The following ADAM10 variants were observed in gnomAD, a reference collection of about 807,000 sequenced individuals.
ADAM10 encodes the protein disintegrin and metalloproteinase domain-containing protein 10.
ADAM10 carries 17 observed loss-of-function variants against 90.1 expected under a neutral mutation model. That is an observed-to-expected ratio of 0.19 (90% confidence interval 0.13 to 0.28). ADAM10 has a LOEUF of 0.28. ADAM10 is among the 10% of genes least tolerant of loss of function. ADAM10 has a pLI of 1.00. For synonymous variants in ADAM10, 310 were observed against 298.6 expected, an observed-to-expected ratio of 1.04 and a Z score of -0.40; for missense variants, 610 against 914.3, an observed-to-expected ratio of 0.67 and a Z score of 4.29.
Position 58,610,383 on chromosome 15 carries a change from A to C in ADAM10, c.1939T>G (p.Leu647Val). ...GCTAGAGGACCATCAGCATCTACTAATCTGCACCGCATGAAAACATCACAG... is the reference window on the plus strand; with the variant it reads ...GCTAGAGGACCATCAGCATCTACTACTCTGCACCGCATGAAAACATCACAG... ...GYCDVFMRCR[L>V]VDADGPLARL... Residue 647 changes from leucine (L) to valine (V), a missense_variant, in exon 14 of 16, where the codon TTA (leucine) becomes GTA (valine). Physicochemically the swap from Leu to Val is conservative, Grantham distance 32. This residue lies in a region of ADAM10 where 150 missense variants were observed against 268.5 expected (regional missense o/e 0.56). Coordinates refer to ENST00000260408, the MANE Select transcript of ADAM10 (RefSeq NM_001110.4). 6.2e-7 allele frequency: 1 copy of C among 1,614,198 alleles called. No individual in the cohort carries two copies. The highest frequency in any genetic ancestry group is 8.5e-7 in the Non-Finnish European group (1 of 1,180,044).
intron 9 of ADAM10, among the ~76,000 whole-genome samples, chr15:58,630,709 A>G (rs767702399): frequency 2.1e-4 from 32 of 152,360 alleles, no homozygotes; most frequent in Non-Finnish European, 4.0e-4. Flanking sequence ...CCACTCAGAA[A>G]AAGTAACATT....
In ADAM10 at chr15:58,597,582, G is replaced by A. The variant is rs1894992971; in HGVS notation, c.2212C>T (p.Arg738Ter). The A allele has an allele frequency of 2.5e-6, 4 of 1,614,100 alleles. No homozygotes were observed. Among genetic ancestry groups the A allele is most frequent in the East Asian group, 2.2e-5 (1 of 44,880 alleles). The change falls in exon 16 of 16, where the codon CGA becomes TGA. Residue 738 changes from arginine to a stop codon, truncating the protein, a stop_gained. Transcript: ENST00000260408. LOFTEE classifies it high-confidence loss of function. The part of the protein sequence containing the change: ...PIQQPQRQRP[R>*]ESYQMGHMRR ...ATGTGTCCCATTTGATAACTCTCTC[G>A]GGGCCGCTGACGCTGGGGTTGCTGA...
chr15:58,605,417 A>C (rs754179521), intron 14 of ADAM10, among the ~76,000 whole-genome samples: 1 of 151,630 alleles, frequency 6.6e-6, no homozygotes, highest in Non-Finnish European at 1.5e-5. Flanking sequence ...TGCATCTGAA[A>C]ATATTAGTAA....
intron 2 of ADAM10, chr15:58,691,385 C>T (rs760592402): frequency 4.8e-6 from 4 of 829,018 alleles, no homozygotes; most frequent in South Asian, 4.0e-5. Context: ...AGCCCTTCTT[C>T]CACTCTTGCT....
At chr15:58,597,676 T>A in intron 15 of ADAM10, 35 bp from the exon 16 acceptor site, 1 of 1,611,528 alleles carries the variant, frequency 6.2e-7, no homozygotes, top group African/African-American at 1.3e-5. Flanking sequence ...GCAGATTTAT[T>A]TATCATGAGC....
chr15:58,692,176 A>G, intron 2 of ADAM10: 1 of 553,162 alleles, frequency 1.8e-6, no homozygotes, highest in African/African-American at 1.9e-5. Context: ...CTTGTTCTAA[A>G]AAAGGTCAAA....
At chr15:58,667,490 C>T (rs1289314670) in intron 4 of ADAM10, among the ~76,000 whole-genome samples, 1 of 152,108 alleles carries the variant, frequency 6.6e-6, no homozygotes, top group African/African-American at 2.4e-5. Flanking sequence ...AAGGCCTTGG[C>T]TATGAGATGA....
intron 8 of ADAM10, among the ~76,000 whole-genome samples, chr15:58,637,576 C>A (rs1896294312): frequency 6.6e-6 from 1 of 152,170 alleles, no homozygotes; most frequent in South Asian, 2.1e-4. Flanking sequence ...GATTTTATAA[C>A]TCTTCTCTCT....
chr15:58,625,812 T>C (rs752750276), intron 10 of ADAM10, among the ~76,000 whole-genome samples: 1 of 152,212 alleles, frequency 6.6e-6, no homozygotes, highest in Non-Finnish European at 1.5e-5. Flanking sequence ...CATGGAATAC[T>C]ACTCAGAAAT....
chr15:58,715,482 T>C (rs1898628620), intron 2 of ADAM10, among the ~76,000 whole-genome samples: 1 of 151,854 alleles, frequency 6.6e-6, no homozygotes, highest in African/African-American at 2.4e-5. Flanking sequence ...GATTTCCTGG[T>C]TTCAGGTCCT....
At chr15:58,674,654 T>A (rs1897272174) in intron 4 of ADAM10, among the ~76,000 whole-genome samples, 2 of 152,192 alleles carry the variant, frequency 1.3e-5, no homozygotes, top group Admixed American at 1.3e-4. Flanking sequence ...AAAAACACAA[T>A]ATGGAACTAA....
At chr15:58,726,712 T>C (rs1187626936) in intron 1 of ADAM10, among the ~76,000 whole-genome samples, 1 of 148,294 alleles carries the variant, frequency 6.7e-6, no homozygotes, top group Non-Finnish European at 1.5e-5. Context: ...TAAAAGTAAA[T>C]GATCCAGCTG....
At chr15:58,627,976 T>C (rs1289920685) in intron 9 of ADAM10, 93 bp from the exon 10 acceptor site, 17 of 1,202,632 alleles carry the variant, frequency 1.4e-5, no homozygotes, top group East Asian at 2.4e-5. Flanking sequence ...AGGAAAACAA[T>C]GGAAGCTTGT....
At chr15:58,738,470 G>C (rs1358019519) in intron 1 of ADAM10, among the ~76,000 whole-genome samples, 2 of 152,088 alleles carry the variant, frequency 1.3e-5, no homozygotes, top group Non-Finnish European at 2.9e-5. Context: ...TTTTTCACTA[G>C]AAATCAGTCA....
chr15:58,675,022 C>T (rs1335259615), intron 4 of ADAM10, among the ~76,000 whole-genome samples: 1 of 152,162 alleles, frequency 6.6e-6, no homozygotes, highest in African/African-American at 2.4e-5. Context: ...ATGGTGAAAC[C>T]CCGTCTCTAC....
At chr15:58,609,852 T>C (rs1895387628) in intron 14 of ADAM10, 1 of 210,304 alleles carries the variant, frequency 4.8e-6, no homozygotes, top group Admixed American at 5.3e-5. Flanking sequence ...GTGTATCTGA[T>C]CTTATTCTGT....
intron 4 of ADAM10, among the ~76,000 whole-genome samples, chr15:58,678,589 AG>A (rs1327601185): frequency 1.3e-5 from 2 of 152,212 alleles, no homozygotes; most frequent in African/African-American, 2.4e-5. Context: ...TTCTATTCTT[AG>A]AAAAATATCA....
intron 10 of ADAM10, among the ~76,000 whole-genome samples, chr15:58,623,703 T>A (rs2141011532): frequency 6.6e-6 from 1 of 151,912 alleles, no homozygotes; most frequent in East Asian, 1.9e-4. Flanking sequence ...CCCAGAAAAC[T>A]AACACAGGAA....
At chr15:58,679,036 A>G in intron 4 of ADAM10, 88 bp downstream of exon 4, 1 of 1,313,334 alleles carries the variant, frequency 7.6e-7, no homozygotes, top group Admixed American at 2.0e-5. Flanking sequence ...TCAGGAAAGA[A>G]AACAGCTAAT....
Sources: allele counts gnomAD v4.1 joint callset (sites outside exome capture counted in the v4.1 genomes callset), GRCh38; gene constraint gnomAD v4.1.1; regional missense constraint gnomAD v4.1.1; transcripts MANE v1.5; gene names NCBI Gene and HGNC (gene_info 2026-07-23, HGNC 2026-07-21).